The following ARHGAP23 variants were observed in gnomAD, a reference collection of about 807,000 sequenced individuals.
The protein encoded by ARHGAP23 is Rho GTPase activating protein 23, also known as rho GTPase-activating protein 23.
ARHGAP23 carries 34 observed loss-of-function variants against 136.3 expected under a neutral mutation model. The observed-to-expected ratio is 0.25, with a 90% CI of 0.19 to 0.33. The LOEUF (loss-of-function observed/expected upper bound fraction) is 0.33. Ranked by LOEUF, ARHGAP23 falls within the 10% of genes least tolerant of loss-of-function variation. ARHGAP23 has a pLI of 1.00. For missense variants in ARHGAP23, 1,808 were observed against 2,139.0 expected (o/e 0.85, Z 3.05); for synonymous variants, 832 against 920.5 (o/e 0.90, Z 1.74).
rs1403559504 is a variant in ARHGAP23, at chr17:38,497,705, C to G, written c.3277-80C>G. The stretch of plus-strand genomic sequence containing the variant: ...AGAGAGGCGCCCCTTGCCGCCTGAG[C>G]GGGTCCTCTGGAATGAGCAGGTGGA... On this transcript the variant is annotated intron_variant, in intron 20 of 23. Transcript: ENST00000622683. 4 of 1,450,442 alleles carry G rather than the reference C, an allele frequency of 2.8e-6. No individual in the cohort carries two copies. In the East Asian group the frequency reaches 7.5e-5, roughly 27 times the overall value. The allele number at this position is 1,450,442 out of a possible 1,614,324, so 89.8% of individuals were successfully genotyped here. A position where few individuals can be genotyped will look rare whatever the true frequency, so the allele number is the denominator to read the frequency against.
intron 1 of ARHGAP23, among the ~76,000 whole-genome samples, chr17:38,429,649 C>G (rs1322772386): frequency 2.0e-5 from 3 of 152,168 alleles, no homozygotes; most frequent in African/African-American, 7.2e-5. Context: ...CTGCATCTCT[C>G]CCCGACTCCC....
chr17:38,442,848 A>G (rs1327216808), intron 1 of ARHGAP23, among the ~76,000 whole-genome samples: 1 of 152,124 alleles, frequency 6.6e-6, no homozygotes, highest in Non-Finnish European at 1.5e-5. Flanking sequence ...AAAATAATCA[A>G]TCTGGACTGT....
chr17:38,424,232 G>A (rs889133031), upstream of ARHGAP23, among the ~76,000 whole-genome samples: 2 of 151,900 alleles, frequency 1.3e-5, no homozygotes, highest in East Asian at 1.9e-4. Context: ...CGCTCATCAC[G>A]CCCTCCTTGC....
chr17:38,506,628 C>G (rs897210593), intron 23 of ARHGAP23, among the ~76,000 whole-genome samples: 1 of 152,162 alleles, frequency 6.6e-6, no homozygotes, highest in African/African-American at 2.4e-5. Context: ...TGTGTCCTTA[C>G]AAGGCAAGGC....
At chr17:38,499,617 T>C (rs2040475879) in intron 22 of ARHGAP23, among the ~76,000 whole-genome samples, 1 of 152,022 alleles carries the variant, frequency 6.6e-6, no homozygotes, top group South Asian at 2.1e-4. Flanking sequence ...CCAGAAGACA[T>C]GGGGGTGGGA....
At chr17:38,486,931 G>A (rs1392676426) in intron 17 of ARHGAP23, among the ~76,000 whole-genome samples, 4 of 152,226 alleles carry the variant, frequency 2.6e-5, no homozygotes, top group Non-Finnish European at 5.9e-5. Flanking sequence ...AGATACACAC[G>A]TGCCTGCGTG....
At chr17:38,505,589 CA>C (rs2040616936) in intron 23 of ARHGAP23, among the ~76,000 whole-genome samples, 1 of 152,176 alleles carries the variant, frequency 6.6e-6, no homozygotes, top group African/African-American at 2.4e-5. Flanking sequence ...GCATTGACAA[CA>C]GATATTGGAA....
chr17:38,497,917 G>A (rs1216473703), intron 21 of ARHGAP23, 91 bp downstream of exon 21: 13 of 1,336,320 alleles, frequency 9.7e-6, no homozygotes, highest in Admixed American at 2.0e-5. Flanking sequence ...GACTTAAGCC[G>A]GGGAAGGTGT....
intron 3 of ARHGAP23, 100 bp downstream of exon 3, chr17:38,461,032 C>G (rs2039448803): frequency 3.4e-5 from 50 of 1,481,408 alleles, no homozygotes; most frequent in Non-Finnish European, 4.4e-5. Context: ...TTTCTGTGCC[C>G]CCCTCCCTTG....
chr17:38,454,355 A>G (rs1245234471), intron 1 of ARHGAP23, among the ~76,000 whole-genome samples: 2 of 151,268 alleles, frequency 1.3e-5, no homozygotes, highest in Non-Finnish European at 1.5e-5. Context: ...TGGGATGACA[A>G]CCCCCAGTCT....
chr17:38,476,891 C>T (rs1272338443), intron 11 of ARHGAP23, among the ~76,000 whole-genome samples: 1 of 152,116 alleles, frequency 6.6e-6, no homozygotes, highest in Non-Finnish European at 1.5e-5. Context: ...TGTTTAACTA[C>T]AGGTGTAGAG....
chr17:38,468,635 T>G, intron 7 of ARHGAP23, among the ~76,000 whole-genome samples: 1 of 152,158 alleles, frequency 6.6e-6, no homozygotes, highest in East Asian at 1.9e-4. Context: ...GGCTCTAGGC[T>G]GTGGCCGGGA....
Position 38,477,932 on chromosome 17 carries a change from G to T in ARHGAP23, c.2436+36G>T. ...GGCCAGCCCGGCAGCCACAGAGGGC[G>T]GGCGGGGTGGCCTCTCACCGGCTGT... is the stretch of plus-strand genomic sequence containing the variant. On this transcript the variant is annotated intron_variant, in intron 12 of 23. Transcript: ENST00000622683. This position sits in a 1 kb window ranked among gnomAD's most constrained non-coding sequence, Gnocchi z 6.6. 1 of 1,545,668 alleles carries T rather than the reference G, an allele frequency of 6.5e-7. No individual in the cohort carries two copies. The highest frequency in any genetic ancestry group is 8.7e-7 in the Non-Finnish European group (1 of 1,144,788).
At chr17:38,485,881 T>C (rs1212595371) in intron 16 of ARHGAP23, among the ~76,000 whole-genome samples, 181 bp from the exon 17 acceptor site, 2 of 152,158 alleles carry the variant, frequency 1.3e-5, no homozygotes, top group Non-Finnish European at 2.9e-5. Context: ...AGTGTGAGTG[T>C]GGGCACAGGA....
intron 1 of ARHGAP23, 82 bp from the exon 2 acceptor site, chr17:38,458,020 C>T (rs1048996802): frequency 1.3e-5 from 20 of 1,496,164 alleles, no homozygotes; most frequent in Non-Finnish European, 1.5e-5. Context: ...CCCCTCCGGT[C>T]CTGTGGGCTG....
At chr17:38,498,606 C>T in intron 22 of ARHGAP23, 96 bp downstream of exon 22, 3 of 1,091,168 alleles carry the variant, frequency 2.7e-6, no homozygotes, top group Non-Finnish European at 3.8e-6. Context: ...TTCCCTGTGC[C>T]ACCCCAGCGG....
At chr17:38,500,287 G>A (rs2040492288) in intron 22 of ARHGAP23, 1 of 439,750 alleles carries the variant, frequency 2.3e-6, no homozygotes, top group African/African-American at 2.0e-5. Flanking sequence ...GGGCGGGGAA[G>A]GGGAGAGGAA....
chr17:38,453,422 CGTGTGT>C (rs1161809844), intron 1 of ARHGAP23, among the ~76,000 whole-genome samples: 12,929 of 116,538 alleles, frequency 0.11, 752 homozygotes, highest in South Asian at 0.18. Context: ...CGTATGCGTG[CGTGTGT>C]GTGTGTGTGT....
intron 1 of ARHGAP23, among the ~76,000 whole-genome samples, chr17:38,438,563 A>C (rs1293037053): frequency 2.0e-5 from 3 of 152,116 alleles, no homozygotes; most frequent in Admixed American, 6.6e-5. Flanking sequence ...CCCTCATGCC[A>C]TACTGAGGAA....
Sources: allele counts gnomAD v4.1 joint callset (sites outside exome capture counted in the v4.1 genomes callset), GRCh38; gene constraint gnomAD v4.1.1; non-coding constraint Gnocchi (gnomAD v3.1); transcripts MANE v1.5; gene names NCBI Gene and HGNC (gene_info 2026-07-23, HGNC 2026-07-21).